OTUD7A: variants seen among roughly 807,000 people sequenced by gnomAD.
OTUD7A encodes OTU domain-containing protein 7A.
In OTUD7A, 12 loss-of-function variants were observed where a neutral mutation model predicts 65.7. That is an observed-to-expected ratio of 0.18 (90% CI 0.12 to 0.30). OTUD7A has a LOEUF of 0.30. OTUD7A is among the 10% of genes least tolerant of loss of function. OTUD7A has a pLI of 1.00. For missense variants in OTUD7A, 1,148 were observed against 1,304.8 expected (o/e 0.88, Z 1.85); for synonymous variants, 641 against 586.3 (o/e 1.09, Z -1.35).
intron 3 of OTUD7A, among the ~76,000 whole-genome samples, chr15:31,612,038 A>C (rs1566943603): frequency 6.6e-6 from 1 of 152,250 alleles, no homozygotes; most frequent in Non-Finnish European, 1.5e-5. Context: ...AAACAGAATT[A>C]AAAACAAAAA....
rs553304830 is a variant in OTUD7A at position 31,477,204 on chromosome 15, A to G, written c.*6090T>C. The G allele has an allele frequency of 3.9e-5, 6 of 152,424 alleles. No individual in the cohort carries two copies. Among genetic ancestry groups the G allele is most frequent in the Admixed American group, 2.6e-4 (4 of 15,304 alleles). 9.4% of individuals were successfully genotyped at this position (152,424 alleles called of 1,614,324 possible). A position where few individuals can be genotyped will look rare whatever the true frequency, so the allele number is the denominator to read the frequency against. ...GCAGCCTTGCTTTGGTGGCTGGAGG[A>G]TGAGTCCTTCTAATGGTCAGGTGGA... On this transcript the variant is annotated 3_prime_UTR_variant, in exon 13 of 13. Transcript: ENST00000307050.
intron 1 of OTUD7A, among the ~76,000 whole-genome samples, chr15:31,759,634 A>G (rs1894907740): frequency 6.6e-6 from 1 of 152,178 alleles, no homozygotes; most frequent in Non-Finnish European, 1.5e-5. Flanking sequence ...CCCGGGTTCA[A>G]GCAATTCTCC....
chr15:31,841,314 G>A (rs1246974284), intron 1 of OTUD7A, among the ~76,000 whole-genome samples: 9 of 152,198 alleles, frequency 5.9e-5, no homozygotes, highest in Admixed American at 4.6e-4. Flanking sequence ...CAGAGCCTGG[G>A]TCAAACCATG....
At chr15:31,771,384 G>T (rs547849887) in intron 1 of OTUD7A, among the ~76,000 whole-genome samples, 1 of 152,244 alleles carries the variant, frequency 6.6e-6, no homozygotes, top group East Asian at 1.9e-4. Flanking sequence ...CACATCCACT[G>T]GCAACGGCCC....
intron 8 of OTUD7A, among the ~76,000 whole-genome samples, chr15:31,507,444 T>G (rs753741818): frequency 1.3e-5 from 2 of 152,140 alleles, no homozygotes. Flanking sequence ...TAGGCTGTAG[T>G]GTATCCGGAG....
chr15:31,723,268 G>A (rs1416192303), intron 1 of OTUD7A, among the ~76,000 whole-genome samples: 2 of 152,162 alleles, frequency 1.3e-5, no homozygotes, highest in Admixed American at 1.3e-4. Flanking sequence ...CAGCTCTGGA[G>A]GTGCTGCCCC....
chr15:31,693,969 C>T (rs1893017223), intron 1 of OTUD7A, among the ~76,000 whole-genome samples: 1 of 152,228 alleles, frequency 6.6e-6, no homozygotes, highest in African/African-American at 2.4e-5. Context: ...GGATTCACTG[C>T]TCTAAGCTGA....
intron 1 of OTUD7A, among the ~76,000 whole-genome samples, chr15:31,752,093 C>T (rs910827891): frequency 6.6e-6 from 1 of 151,982 alleles, no homozygotes; most frequent in Admixed American, 6.6e-5. Context: ...TATTCATATA[C>T]AAATAAAACA....
intron 3 of OTUD7A, among the ~76,000 whole-genome samples, chr15:31,623,355 C>T (rs1384329587): frequency 5.9e-5 from 9 of 152,190 alleles, no homozygotes; most frequent in Admixed American, 3.9e-4. Flanking sequence ...TATGCCCTGT[C>T]CCCAGAGGTG....
chr15:31,855,728 T>C (rs1897554285), intron 1 of OTUD7A, among the ~76,000 whole-genome samples: 1 of 152,216 alleles, frequency 6.6e-6, no homozygotes, highest in Non-Finnish European at 1.5e-5. Context: ...AGCACTAATA[T>C]GCAAATTTAG....
At chr15:31,663,283 A>AC (rs71113411) in intron 1 of OTUD7A, among the ~76,000 whole-genome samples, 48 of 150,076 alleles carry the variant, frequency 3.2e-4, no homozygotes, top group Middle Eastern at 3.4e-3. Context: ...ACACACACAC[A>AC]AGTTTTTAAA....
chr15:31,784,974 T>C (rs1352104926), intron 1 of OTUD7A, among the ~76,000 whole-genome samples: 3 of 152,106 alleles, frequency 2.0e-5, no homozygotes, highest in African/African-American at 7.2e-5. Flanking sequence ...CACCTGTGCT[T>C]ATCTCTTAAA....
At chr15:31,504,440 A>G (rs568500312) in intron 8 of OTUD7A, among the ~76,000 whole-genome samples, 3 of 152,282 alleles carry the variant, frequency 2.0e-5, no homozygotes, top group Non-Finnish European at 4.4e-5. Flanking sequence ...GATCAGGGAA[A>G]CCGCAGGCTC....
chr15:31,811,759 G>A (rs915551178), intron 1 of OTUD7A, among the ~76,000 whole-genome samples: 2 of 152,164 alleles, frequency 1.3e-5, no homozygotes, highest in East Asian at 1.9e-4. Context: ...TCTGCCATCC[G>A]CCCAGTGCCG....
intron 1 of OTUD7A, among the ~76,000 whole-genome samples, chr15:31,812,937 C>CCA (rs1186687005): frequency 6.6e-6 from 1 of 152,082 alleles, no homozygotes; most frequent in Non-Finnish European, 1.5e-5. Context: ...GCACTAAGCT[C>CCA]CGCACACACA....
intron 8 of OTUD7A, among the ~76,000 whole-genome samples, chr15:31,507,306 G>A (rs1020323273): frequency 1.3e-5 from 2 of 152,170 alleles, no homozygotes; most frequent in African/African-American, 4.8e-5. Flanking sequence ...TATTGAGAAG[G>A]TTGGGTAGGT....
intron 1 of OTUD7A, among the ~76,000 whole-genome samples, chr15:31,742,042 T>C (rs936019614): frequency 1.6e-4 from 24 of 152,110 alleles, no homozygotes; most frequent in African/African-American, 5.3e-4. Context: ...GATAGCCCTA[T>C]AACCACTAAA....
chr15:31,772,662 A>G (rs1895272464), intron 1 of OTUD7A, among the ~76,000 whole-genome samples: 1 of 152,250 alleles, frequency 6.6e-6, no homozygotes, highest in African/African-American at 2.4e-5. Context: ...AATGTGCAGC[A>G]AAGTTGGGGA....
chr15:31,798,510 G>A (rs914661253), intron 1 of OTUD7A, among the ~76,000 whole-genome samples: 6 of 152,210 alleles, frequency 3.9e-5, no homozygotes, highest in Admixed American at 2.0e-4. Flanking sequence ...TGGCACTGAC[G>A]AGTATTCTGA....
Sources: gnomAD v4.1 joint callset for allele counts (sites outside exome capture counted in the v4.1 genomes callset) on GRCh38, gnomAD v4.1.1 for gene constraint, MANE v1.5 for transcripts, NCBI Gene and HGNC (gene_info 2026-07-23, HGNC 2026-07-21) for gene names.